TMEM117: variants seen among roughly 807,000 people sequenced by gnomAD.
TMEM117 encodes the protein transmembrane protein 117.
In TMEM117, 27 loss-of-function variants were observed where a neutral mutation model predicts 52.4. The ratio of observed to expected loss-of-function variants is 0.51; its 90% CI spans 0.38 to 0.71. The LOEUF (loss-of-function observed/expected upper bound fraction) is 0.71. TMEM117 is among the 30% of genes least tolerant of loss of function. The pLI, the probability that TMEM117 is intolerant of heterozygous loss-of-function variation, is 0.00. For missense variants in TMEM117, 556 were observed against 630.5 expected, an observed-to-expected ratio of 0.88 and a Z score of 1.26; for synonymous variants, 215 against 206.3, an observed-to-expected ratio of 1.04 and a Z score of -0.36.
intron 6 of TMEM117, among the ~76,000 whole-genome samples, chr12:44,358,096 C>T (rs1388075677): frequency 6.6e-6 from 1 of 152,098 alleles, no homozygotes; most frequent in African/African-American, 2.4e-5. Context: ...CACATGTTGT[C>T]ACTTATAAGT....
At chr12:43,926,290 C>T (rs943542963) in intron 2 of TMEM117, among the ~76,000 whole-genome samples, 3 of 152,110 alleles carry the variant, frequency 2.0e-5, no homozygotes, top group African/African-American at 7.2e-5. Flanking sequence ...ATTTGTTCTC[C>T]CTTATATAAA....
intron 2 of TMEM117, among the ~76,000 whole-genome samples, chr12:43,881,790 CAAAAA>C (rs58734580): frequency 2.4e-5 from 1 of 42,024 alleles, no homozygotes; most frequent in Non-Finnish European, 3.9e-5. Flanking sequence ...ACTCTTGTCT[CAAAAA>C]AAAAAAAAAA....
chr12:44,037,501 C>T (rs1946728063), intron 3 of TMEM117, among the ~76,000 whole-genome samples: 1 of 152,146 alleles, frequency 6.6e-6, no homozygotes. Flanking sequence ...CTGTCATTGC[C>T]CAGGCTCCAG....
At chr12:43,824,694 G>T in the TMEM117 span, among the ~76,000 whole-genome samples, 1 of 152,328 alleles carries the variant, frequency 6.6e-6, no homozygotes, top group African/African-American at 2.4e-5. Context: ...CTAGCACTTT[G>T]GGAGGCCGAG....
chr12:44,142,102 A>T (rs1220068949), intron 3 of TMEM117, among the ~76,000 whole-genome samples: 1 of 152,212 alleles, frequency 6.6e-6, no homozygotes, highest in Non-Finnish European at 1.5e-5. Flanking sequence ...ACCTTAAGCA[A>T]GTTGCAAAAA....
chr12:44,332,329 G>A (rs1234653763), intron 6 of TMEM117, among the ~76,000 whole-genome samples: 2 of 152,000 alleles, frequency 1.3e-5, no homozygotes, highest in African/African-American at 4.8e-5. Context: ...TTACTAGAAG[G>A]TGGAAAAAAT....
rs1264179472 is a variant in TMEM117, at chr12:44,090,839, G to GTTTTTTTTTTTTTTTTTTTTTT, written c.411-52677_411-52676insTTTTTTTTTTTTTTTTTTTTTT. ...CTAATTCTTAATCCTGTATTTATGT[G>GTTTTTTTTTTTTTTTTTTTTTT]TTTTTTTTTGTTTTTTTTTTTTTTT... On this transcript the variant is annotated intron_variant, in intron 3 of 7. Transcript: ENST00000266534. Among the ~76,000 whole-genome samples the GTTTTTTTTTTTTTTTTTTTTTT allele has an allele frequency of 5.7e-5, 6 of 104,802 alleles. 1 individual carries two copies. Among genetic ancestry groups the GTTTTTTTTTTTTTTTTTTTTTT allele is most frequent in the African/African-American group, 2.7e-4 (6 of 22,120 alleles). 68.8% of individuals were successfully genotyped at this position (104,802 alleles called of 152,430 possible).
intron 2 of TMEM117, among the ~76,000 whole-genome samples, chr12:43,904,970 C>G (rs976538614): frequency 6.6e-6 from 1 of 151,876 alleles, no homozygotes; most frequent in Non-Finnish European, 1.5e-5. Context: ...AAGGAGAAAC[C>G]CTGTCTCTAC....
intron 4 of TMEM117, among the ~76,000 whole-genome samples, chr12:44,205,636 A>C (rs1949554950): frequency 6.6e-6 from 1 of 152,210 alleles, no homozygotes; most frequent in Non-Finnish European, 1.5e-5. Flanking sequence ...GAAGACATAC[A>C]CATGGCCAAC....
At chr12:44,386,069 A>G (rs1952084072) in intron 7 of TMEM117, among the ~76,000 whole-genome samples, 1 of 152,104 alleles carries the variant, frequency 6.6e-6, no homozygotes, top group South Asian at 2.1e-4. Flanking sequence ...TTCCTGCAGA[A>G]AGTATCCTTC....
At chr12:43,887,700 T>G (rs552911563) in intron 2 of TMEM117, among the ~76,000 whole-genome samples, 1 of 152,338 alleles carries the variant, frequency 6.6e-6, no homozygotes, top group South Asian at 2.1e-4. Flanking sequence ...GTTACACTTA[T>G]GACGGCAGAA....
chr12:44,219,685 G>A (rs1386602131), intron 5 of TMEM117, among the ~76,000 whole-genome samples: 5 of 152,030 alleles, frequency 3.3e-5, no homozygotes, highest in African/African-American at 9.7e-5. Flanking sequence ...GCTATATTAA[G>A]CACAACAAAA....
chr12:44,281,989 C>G (rs1950582114), intron 5 of TMEM117, among the ~76,000 whole-genome samples: 1 of 152,080 alleles, frequency 6.6e-6, no homozygotes, highest in Non-Finnish European at 1.5e-5. Context: ...TAGGAGGGAT[C>G]CAAGGGGAGG....
intron 3 of TMEM117, among the ~76,000 whole-genome samples, chr12:44,028,495 A>G (rs1480833134): frequency 1.3e-5 from 2 of 152,206 alleles, no homozygotes; most frequent in Non-Finnish European, 2.9e-5. Context: ...CTTTGCTAAT[A>G]AAACAGTTTG....
chr12:43,963,663 A>T (rs1326669672), intron 3 of TMEM117, among the ~76,000 whole-genome samples: 1 of 152,230 alleles, frequency 6.6e-6, no homozygotes, highest in Non-Finnish European at 1.5e-5. Flanking sequence ...ATGAGTGATG[A>T]TGGCTTACAA....
chr12:43,996,625 A>G (rs1026341806), intron 3 of TMEM117, among the ~76,000 whole-genome samples: 1 of 148,366 alleles, frequency 6.7e-6, no homozygotes, highest in Admixed American at 7.0e-5. Context: ...CCTGGGCCAC[A>G]GAGCAAGACT....
chr12:44,251,092 C>T (rs1950192476), intron 5 of TMEM117, among the ~76,000 whole-genome samples: 1 of 152,146 alleles, frequency 6.6e-6, no homozygotes, highest in Non-Finnish European at 1.5e-5. Context: ...TACATATTGT[C>T]TTGTCCAAGA....
chr12:44,361,440 A>C (rs1316858703), intron 6 of TMEM117, among the ~76,000 whole-genome samples: 1 of 152,270 alleles, frequency 6.6e-6, no homozygotes, highest in East Asian at 1.9e-4. Context: ...TTATCCTGTA[A>C]GTATTGTTTA....
At chr12:44,382,533 G>A (rs1178541026) in intron 7 of TMEM117, among the ~76,000 whole-genome samples, 1 of 152,118 alleles carries the variant, frequency 6.6e-6, no homozygotes, top group East Asian at 1.9e-4. Flanking sequence ...AAAACTAGTT[G>A]GTATCTGGAG....
Sources: allele counts gnomAD v4.1 joint callset (sites outside exome capture counted in the v4.1 genomes callset), GRCh38; gene constraint gnomAD v4.1.1; transcripts MANE v1.5; gene names NCBI Gene and HGNC (gene_info 2026-07-23, HGNC 2026-07-21).